Variants in FAM13A observed in about 807,000 individuals in gnomAD.
FAM13A encodes the protein protein FAM13A.
A neutral mutation model predicts 129.6 loss-of-function variants in FAM13A; 76 were observed. The ratio of observed to expected loss-of-function variants is 0.59; its 90% CI spans 0.49 to 0.71. The LOEUF (loss-of-function observed/expected upper bound fraction) is 0.71, where lower values mean the gene tolerates loss of function less well. FAM13A is among the 30% of genes least tolerant of loss of function. FAM13A has a pLI of 0.00. For missense variants in FAM13A, 1,108 were observed against 1,249.3 expected, an observed-to-expected ratio of 0.89 and a Z score of 1.70; for synonymous variants, 443 against 449.9, an observed-to-expected ratio of 0.98 and a Z score of 0.20.
intron 4 of FAM13A, among the ~76,000 whole-genome samples, chr4:88,978,584 GGA>G (rs1248366928): frequency 6.6e-6 from 1 of 152,208 alleles, no homozygotes; most frequent in Non-Finnish European, 1.5e-5. Flanking sequence ...CACAAGGTCA[GGA>G]GATCGAGACC....
chr4:88,922,608 C>T (rs557781209), intron 5 of FAM13A, among the ~76,000 whole-genome samples: 6 of 151,818 alleles, frequency 4.0e-5, no homozygotes, highest in African/African-American at 1.4e-4. Context: ...AGGAAAGATC[C>T]AAAATTGACA....
chr4:88,889,449 T>C (rs1318647774), intron 6 of FAM13A, among the ~76,000 whole-genome samples: 2 of 152,204 alleles, frequency 1.3e-5, no homozygotes, highest in Non-Finnish European at 2.9e-5. Context: ...TGGATTTTCA[T>C]CTTTGTAGAG....
chr4:89,019,794 A>G (rs1435133859), intron 3 of FAM13A, among the ~76,000 whole-genome samples: 1 of 150,404 alleles, frequency 6.6e-6, no homozygotes. Flanking sequence ...AAGTTCTTTC[A>G]TATGAAATCA....
intron 4 of FAM13A, among the ~76,000 whole-genome samples, chr4:88,965,480 C>G (rs1174538360): frequency 6.6e-6 from 1 of 152,018 alleles, no homozygotes; most frequent in Non-Finnish European, 1.5e-5. Flanking sequence ...ATGTTCAAAT[C>G]ACAAATTTTG....
chr4:89,041,856 G>A (rs1448701255), intron 1 of FAM13A, among the ~76,000 whole-genome samples: 1 of 151,758 alleles, frequency 6.6e-6, no homozygotes, highest in Non-Finnish European at 1.5e-5. Flanking sequence ...GGCAGTAGAG[G>A]TTGCAGTGAG....
chr4:88,865,878 CTTTTTTTTT>C (rs34865210), intron 6 of FAM13A, among the ~76,000 whole-genome samples: 234 of 83,216 alleles, frequency 2.8e-3, no homozygotes, highest in Middle Eastern at 7.0e-3. Context: ...TTGTCTCTCT[CTTTTTTTTT>C]TTTTTTTTTT....
intron 8 of FAM13A, among the ~76,000 whole-genome samples, chr4:88,801,366 C>G (rs1203353109): frequency 6.6e-6 from 1 of 152,166 alleles, no homozygotes; most frequent in Non-Finnish European, 1.5e-5. Context: ...ATAAATCCAT[C>G]TGATGCTCCT....
At chr4:88,830,117 C>T (rs963690862) in intron 7 of FAM13A, among the ~76,000 whole-genome samples, 3 of 152,154 alleles carry the variant, frequency 2.0e-5, no homozygotes, top group Admixed American at 2.0e-4. Flanking sequence ...TCTTCTGCTA[C>T]TGAGTGGCAG....
At chr4:88,835,790 G>A (rs1252072267) in intron 7 of FAM13A, among the ~76,000 whole-genome samples, 1 of 152,082 alleles carries the variant, frequency 6.6e-6, no homozygotes, top group Non-Finnish European at 1.5e-5. Flanking sequence ...TCAAGCAGTA[G>A]TGCTAGTGAT....
At chr4:88,917,470 A>G (rs1247305597) in intron 5 of FAM13A, among the ~76,000 whole-genome samples, 2 of 152,078 alleles carry the variant, frequency 1.3e-5, no homozygotes, top group Non-Finnish European at 2.9e-5. Flanking sequence ...CAAACAAACC[A>G]CATCCAAACC....
intron 5 of FAM13A, among the ~76,000 whole-genome samples, chr4:88,914,957 T>C (rs1184203399): frequency 6.6e-6 from 1 of 152,208 alleles, no homozygotes; most frequent in Non-Finnish European, 1.5e-5. Flanking sequence ...TAAAAGAAGC[T>C]ACATTATGAC....
chr4:89,022,677 A>T lies in FAM13A; in HGVS notation c.218-2008T>A, dbSNP rs56888341. On this transcript the variant is annotated intron_variant, in intron 2 of 23. Coordinates refer to ENST00000264344, the MANE Select transcript of FAM13A (RefSeq NM_014883.4). ...TGACTTGCTTCTAACAACAGAATACAGCAAATGTGATGTCATGTCATATTT... is the reference window on the plus strand; with the variant it reads ...TGACTTGCTTCTAACAACAGAATACTGCAAATGTGATGTCATGTCATATTT... 8.4e-3 allele frequency among the ~76,000 whole-genome samples: 1,282 copies of T among 152,312 alleles called. 17 individuals are homozygous for T. The highest frequency in any genetic ancestry group is 0.029 in the African/African-American group (1,202 of 41,568).
chr4:88,889,891 G>T (rs185370049), intron 6 of FAM13A, among the ~76,000 whole-genome samples: 3 of 152,224 alleles, frequency 2.0e-5, no homozygotes, highest in Admixed American at 6.5e-5. Flanking sequence ...TACTATAATG[G>T]GGATGTTTGT....
intron 2 of FAM13A, among the ~76,000 whole-genome samples, chr4:89,024,293 A>T (rs563939328): frequency 6.6e-6 from 1 of 152,318 alleles, no homozygotes; most frequent in Admixed American, 6.5e-5. Context: ...CTGTAGGTTA[A>T]AACGGCATAA....
At chr4:88,921,242 A>G (rs1021068507) in intron 5 of FAM13A, among the ~76,000 whole-genome samples, 1 of 151,978 alleles carries the variant, frequency 6.6e-6, no homozygotes, top group Non-Finnish European at 1.5e-5. Context: ...TCCAAGACAC[A>G]TAATTGTCAG....
chr4:88,981,234 G>T (rs919929046), intron 4 of FAM13A, among the ~76,000 whole-genome samples: 1 of 152,104 alleles, frequency 6.6e-6, no homozygotes, highest in Non-Finnish European at 1.5e-5. Flanking sequence ...TTAATTATTA[G>T]AAATTAAAGA....
intron 5 of FAM13A, among the ~76,000 whole-genome samples, chr4:88,926,509 G>A (rs901483164): frequency 1.1e-4 from 16 of 152,102 alleles, no homozygotes; most frequent in African/African-American, 3.4e-4. Flanking sequence ...GCATAATGGC[G>A]TCTTCATAAG....
rs59640312 is a variant in FAM13A at position 88,843,856 on chromosome 4, G to C, written c.1007+7164C>G. 3.5e-4 allele frequency among the ~76,000 whole-genome samples: 53 copies of C among 152,274 alleles called. No homozygotes were observed. The East Asian group carries it at 9.3e-3, about 27-fold the overall frequency. On this transcript the variant is annotated intron_variant, in intron 7 of 23. Transcript: ENST00000264344. ...ACAGACATGCAACAAGATGGACAGC[G>C]ATGATGTGGGGACAATGAGAGCGCA...
chr4:89,040,396 G>T (rs1513823), intron 1 of FAM13A, among the ~76,000 whole-genome samples: 15,921 of 152,110 alleles, frequency 0.1, 906 homozygotes, highest in African/African-American at 0.14. Flanking sequence ...CCCTCAAAGA[G>T]ACTCCCAGCT....
Sources: gnomAD v4.1 joint callset for allele counts (sites outside exome capture counted in the v4.1 genomes callset) on GRCh38, gnomAD v4.1.1 for gene constraint, MANE v1.5 for transcripts, NCBI Gene and HGNC (gene_info 2026-07-23, HGNC 2026-07-21) for gene names.